KCNIP4: variants seen among roughly 807,000 people sequenced by gnomAD.
The protein encoded by KCNIP4 is potassium voltage-gated channel interacting protein 4, also known as Kv channel-interacting protein 4.
In KCNIP4, 12 loss-of-function variants were observed where a neutral mutation model predicts 34.0. That is an observed-to-expected ratio of 0.35 (90% CI 0.23 to 0.57). The LOEUF (loss-of-function observed/expected upper bound fraction) is 0.57, where lower values mean the gene tolerates loss of function less well. KCNIP4 is among the 20% of genes least tolerant of loss of function. The probability of loss-of-function intolerance (pLI) is 0.83; values close to 1 mark genes in which losing one functional copy is unlikely to be tolerated. For missense variants in KCNIP4, 238 were observed against 311.7 expected (o/e 0.76, Z 1.78); for synonymous variants, 124 against 102.2 (o/e 1.21, Z -1.29).
chr4:20,801,416 A>T (rs1714219450), intron 3 of KCNIP4, among the ~76,000 whole-genome samples: 1 of 152,184 alleles, frequency 6.6e-6, no homozygotes, highest in Non-Finnish European at 1.5e-5. Context: ...TAATGGTGGT[A>T]TGTAAATTAT....
intron 1 of KCNIP4, among the ~76,000 whole-genome samples, chr4:21,281,085 TTC>T (rs1249588973): frequency 6.8e-5 from 10 of 146,420 alleles, no homozygotes; most frequent in African/African-American, 2.1e-4. Flanking sequence ...TTACATTTTC[TTC>T]TTTTTTTTTT....
intron 1 of KCNIP4, among the ~76,000 whole-genome samples, chr4:21,668,278 A>C (rs1202717796): frequency 6.6e-6 from 1 of 152,166 alleles, no homozygotes; most frequent in African/African-American, 2.4e-5. Context: ...CAACAGGTTC[A>C]GCAAACCACC....
intron 1 of KCNIP4, among the ~76,000 whole-genome samples, chr4:21,033,823 C>T (rs1374844138): frequency 6.6e-6 from 1 of 152,084 alleles, no homozygotes; most frequent in Non-Finnish European, 1.5e-5. Flanking sequence ...TTTCCAGCAA[C>T]AAACTTTATA....
At chr4:20,833,579 C>T (rs1578730238) in intron 3 of KCNIP4, among the ~76,000 whole-genome samples, 1 of 152,254 alleles carries the variant, frequency 6.6e-6, no homozygotes, top group Non-Finnish European at 1.5e-5. Flanking sequence ...CTGGATGGTT[C>T]TCATAACTTA....
chr4:21,632,470 C>A (rs759626437), intron 1 of KCNIP4, among the ~76,000 whole-genome samples: 1 of 152,160 alleles, frequency 6.6e-6, no homozygotes, highest in Non-Finnish European at 1.5e-5. Flanking sequence ...AGTGATCCAC[C>A]CGGCTTGGCC....
At chr4:21,758,055 G>C (rs1267488663) in intron 1 of KCNIP4, among the ~76,000 whole-genome samples, 1 of 152,130 alleles carries the variant, frequency 6.6e-6, no homozygotes, top group Non-Finnish European at 1.5e-5. Flanking sequence ...AATAAATTTA[G>C]AAAATGCATA....
intron 1 of KCNIP4, among the ~76,000 whole-genome samples, chr4:20,998,387 C>G (rs1009772509): frequency 1.3e-5 from 2 of 152,092 alleles, no homozygotes; most frequent in African/African-American, 4.8e-5. Flanking sequence ...TGTACATGTC[C>G]AGAGGACTGA....
At chr4:21,917,659 A>G (rs886182424) in intron 1 of KCNIP4, among the ~76,000 whole-genome samples, 5 of 152,144 alleles carry the variant, frequency 3.3e-5, no homozygotes, top group African/African-American at 2.4e-5. Flanking sequence ...CAAAATTTCT[A>G]TTTCACAGAT....
intron 1 of KCNIP4, among the ~76,000 whole-genome samples, chr4:21,025,860 C>G (rs914054918): frequency 4.6e-5 from 7 of 151,924 alleles, no homozygotes; most frequent in African/African-American, 1.7e-4. Flanking sequence ...CGGCCTGATA[C>G]TGGTTTTTAA....
At chr4:20,787,612 T>C (rs1712182785) in intron 3 of KCNIP4, among the ~76,000 whole-genome samples, 1 of 152,148 alleles carries the variant, frequency 6.6e-6, no homozygotes, top group Non-Finnish European at 1.5e-5. Flanking sequence ...ATAAGACTTA[T>C]GTAATGATTA....
At chr4:20,783,997 C>T (rs984075034) in intron 3 of KCNIP4, among the ~76,000 whole-genome samples, 2 of 152,204 alleles carry the variant, frequency 1.3e-5, no homozygotes, top group African/African-American at 2.4e-5. Context: ...TGCCCCTACC[C>T]TTTGGTTCCT....
At chr4:20,925,821 T>C (rs1281967404) in intron 1 of KCNIP4, among the ~76,000 whole-genome samples, 2 of 152,198 alleles carry the variant, frequency 1.3e-5, no homozygotes, top group Non-Finnish European at 2.9e-5. Flanking sequence ...AAAAGGCACA[T>C]GGGGCGAAGT....
chr4:21,582,996 C>T (rs1741351148), intron 1 of KCNIP4, among the ~76,000 whole-genome samples: 2 of 151,744 alleles, frequency 1.3e-5, no homozygotes, highest in African/African-American at 4.8e-5. Context: ...ATAAATCGGG[C>T]CTTTAACTAA....
At position 21,625,746 on chromosome 4, in the gene KCNIP4, G is replaced by C. The variant is rs150695150; in HGVS notation, c.61+322825C>G. 7.9e-3 allele frequency among the ~76,000 whole-genome samples: 1,204 copies of C among 152,224 alleles called. 16 individuals carry two copies. The highest frequency in any genetic ancestry group is 0.027 in the African/African-American group (1,124 of 41,556). ...AAGCAAAGCTCTCAAGCTTTCCAAT[G>C]ACTAAATGCTAGAGGAAATAATGGG... On this transcript the variant is annotated intron_variant, in intron 1 of 8. Transcript: ENST00000382152.
chr4:21,947,566 T>C (rs1421596098), intron 1 of KCNIP4, among the ~76,000 whole-genome samples: 1 of 152,204 alleles, frequency 6.6e-6, no homozygotes, highest in Non-Finnish European at 1.5e-5. Flanking sequence ...TGACTCAAGT[T>C]GTTGAGGTGA....
At position 21,948,621 on chromosome 4, in the gene KCNIP4, C is replaced by T. The variant is rs747545823; in HGVS notation, c.11G>A (p.Arg4Lys). 6 of 1,613,528 alleles carry T rather than the reference C, an allele frequency of 3.7e-6. No homozygotes were observed. In the Admixed American group the frequency reaches 5.0e-5, roughly 13 times the overall value. MNV[R>K]RVESISAQLE... ...CTGAGCCGAAATGCTTTCCACCCTCCTCACATTCATGTCTAGGGACGCAGG... is the reference window on the plus strand; with the variant it reads ...CTGAGCCGAAATGCTTTCCACCCTCTTCACATTCATGTCTAGGGACGCAGG... Residue 4 changes from arginine to lysine, a missense_variant, in exon 1 of 9, where the codon AGG becomes AAG. Arg to Lys is a conservative substitution (Grantham distance 26). Coordinates refer to ENST00000382152, the MANE Select transcript of KCNIP4 (RefSeq NM_025221.6).
chr4:21,924,243 CT>C (rs67541105), intron 1 of KCNIP4, among the ~76,000 whole-genome samples: 66,518 of 106,948 alleles, frequency 0.62, 18,467 homozygotes, highest in African/African-American at 0.72. Context: ...GAATATATTT[CT>C]TTTTTTTTTT....
At chr4:20,953,030 A>C (rs936768793) in intron 1 of KCNIP4, among the ~76,000 whole-genome samples, 2 of 152,230 alleles carry the variant, frequency 1.3e-5, no homozygotes, top group South Asian at 2.1e-4. Flanking sequence ...TCACTTCCCA[A>C]AGCCCTTACC....
chr4:20,978,586 A>C (rs1178767369), intron 1 of KCNIP4, among the ~76,000 whole-genome samples: 1 of 152,190 alleles, frequency 6.6e-6, no homozygotes, highest in Non-Finnish European at 1.5e-5. Context: ...AGCGTTTTAC[A>C]TACAGTACTT....
Sources: allele counts gnomAD v4.1 joint callset (sites outside exome capture counted in the v4.1 genomes callset), GRCh38; gene constraint gnomAD v4.1.1; transcripts MANE v1.5; gene names NCBI Gene and HGNC (gene_info 2026-07-23, HGNC 2026-07-21).